KEL: variants seen among roughly 807,000 people sequenced by gnomAD.
KEL encodes the protein Kell metallo-endopeptidase (Kell blood group), also known as kell blood group glycoprotein.
A neutral mutation model predicts 99.5 loss-of-function variants in KEL; 96 were observed. The observed-to-expected ratio is 0.97, with a 90% CI of 0.82 to 1.14. The LOEUF is 1.14. Among genes scored for constraint, KEL ranks in the 50% most tolerant of loss-of-function variants. The pLI is 0.00. For missense variants in KEL, 926 were observed against 924.2 expected, an observed-to-expected ratio of 1.00 and a Z score of -0.03; for synonymous variants, 355 against 354.8, an observed-to-expected ratio of 1.00 and a Z score of -0.01.
chr7:142,955,460 T>A (rs1030667802), intron 6 of KEL, among the ~76,000 whole-genome samples: 3 of 152,194 alleles, frequency 2.0e-5, no homozygotes, highest in South Asian at 2.1e-4. Flanking sequence ...TTCAAAAAAA[T>A]TCATAATGAA....
In KEL at chr7:142,944,385, C is replaced by G. The variant is rs148494257; in HGVS notation, c.1429G>C (p.Val477Leu). Reference sequence around the variant, plus strand: ...GCCCATTCTGAAGCCCCCATCTCCACCTGCAGTTGAGCAACCTGGAGAGAG... The same window carrying G: ...GCCCATTCTGAAGCCCCCATCTCCAGCTGCAGTTGAGCAACCTGGAGAGAG... ...MAQDKVAQLQVEMGASEWALK... is the reference protein window; with the variant it reads ...MAQDKVAQLQLEMGASEWALK... The change falls in exon 13 of 19, where the codon GTG becomes CTG. Residue 477 changes from valine (V) to leucine (L), a missense_variant. Physicochemically the swap from Val to Leu is conservative, Grantham distance 32 (BLOSUM62 1). Transcript: ENST00000355265. 6.2e-6 allele frequency: 10 copies of G among 1,613,870 alleles called. No individual in the cohort carries two copies. The highest frequency in any genetic ancestry group is 1.7e-5 in the Admixed American group (1 of 60,034).
At chr7:142,945,727 C>A (rs188121527) in intron 11 of KEL, among the ~76,000 whole-genome samples, 390 of 152,106 alleles carry the variant, frequency 2.6e-3, no homozygotes, top group African/African-American at 8.8e-3. Flanking sequence ...CGCCCAGGTT[C>A]AAGCGATTCG....
At chr7:142,947,280 G>T (rs8176013) in intron 10 of KEL, among the ~76,000 whole-genome samples, 2,786 of 152,214 alleles carry the variant, frequency 0.018, 70 homozygotes, top group African/African-American at 0.057. Context: ...TTATTCCTGT[G>T]ATTTTTTTAC....
rs1562965998 is a variant in KEL at position 142,961,786 on chromosome 7, G to A, written c.81+9C>T. ...GTGTATTCCAGACCCAGGAGAGGAG[G>A]CCACTTACCTCTTGGCTCCAGAGAG... On this transcript the variant is annotated intron_variant, in intron 2 of 18. Coordinates refer to ENST00000355265, the MANE Select transcript of KEL (RefSeq NM_000420.3). The A allele has an allele frequency of 1.2e-6, 2 of 1,610,900 alleles. No homozygotes were observed. Among genetic ancestry groups the A allele is most frequent in the Non-Finnish European group, 1.7e-6 (2 of 1,177,152 alleles).
intron 3 of KEL, 126 bp from the exon 4 acceptor site, chr7:142,961,230 G>A (rs1796949561): frequency 3.3e-6 from 5 of 1,507,850 alleles, no homozygotes; most frequent in African/African-American, 2.8e-5. Context: ...TGGTTAGGAT[G>A]CAGGGAGGAA....
At position 142,944,334 on chromosome 7, in the gene KEL, C is replaced by T; in HGVS notation, c.1480G>A (p.Glu494Lys). 3 of 1,613,852 alleles carry T rather than the reference C, an allele frequency of 1.9e-6. No homozygotes were observed. The highest frequency in any genetic ancestry group is 2.5e-6 in the Non-Finnish European group (3 of 1,179,746). ...ACACAGGGACCCACATCGTTGTATT[C>T]TTGTCGGGCCAGCTCTGGCTTCAGG... ...WALKPELARQEYNDIQLGSSF... is the reference protein window; with the variant it reads ...WALKPELARQKYNDIQLGSSF... The change falls in exon 13 of 19, where the codon GAA (glutamate) becomes AAA (lysine). Residue 494 changes from glutamate (E) to lysine (K), a missense_variant. Physicochemically the swap from Glu to Lys is moderately conservative, Grantham distance 56. Coordinates refer to ENST00000355265, the MANE Select transcript of KEL (RefSeq NM_000420.3).
chr7:142,947,383 A>G (rs1174692763), intron 10 of KEL, among the ~76,000 whole-genome samples: 3 of 152,054 alleles, frequency 2.0e-5, no homozygotes, highest in African/African-American at 7.2e-5. Flanking sequence ...GAGGGGGTTT[A>G]TGTACATCCC....
At chr7:142,956,563 C>A (rs193247191) in intron 6 of KEL, among the ~76,000 whole-genome samples, 15 of 152,204 alleles carry the variant, frequency 9.9e-5, no homozygotes, top group African/African-American at 3.4e-4. Context: ...CCTCCCAAAT[C>A]CTCAATTAAA....
At position 142,944,404 on chromosome 7, in the gene KEL, G is replaced by C; in HGVS notation, c.1414-4C>G. On this transcript the variant is annotated splice_polypyrimidine_tract_variant and splice_region_variant and intron_variant, in intron 12 of 18. Transcript: ENST00000355265. ...TCTCCACCTGCAGTTGAGCAACCTGGAGAGAGACACAGAAGAGGCTAGGAA... is the reference window on the plus strand; with the variant it reads ...TCTCCACCTGCAGTTGAGCAACCTGCAGAGAGACACAGAAGAGGCTAGGAA... The C allele has an allele frequency of 6.2e-7, 1 of 1,611,452 alleles. No individual in the cohort carries two copies. The highest frequency in any genetic ancestry group is 8.5e-7 in the Non-Finnish European group (1 of 1,177,482).
At chr7:142,952,064 G>A (rs1796699672) in intron 10 of KEL, among the ~76,000 whole-genome samples, 1 of 152,108 alleles carries the variant, frequency 6.6e-6, no homozygotes, top group Non-Finnish European at 1.5e-5. Flanking sequence ...CCCACTGGAT[G>A]TCAGAGATAA....
chr7:142,961,132 A>C (rs764425454), intron 3 of KEL, 28 bp from the exon 4 acceptor site: 88 of 1,612,172 alleles, frequency 5.5e-5, no homozygotes, highest in Non-Finnish European at 7.3e-5. Context: ...GAGCTGGGAA[A>C]GAAGAGGCAA....
chr7:142,953,566 G>T (rs980864778), intron 9 of KEL, among the ~76,000 whole-genome samples: 9 of 152,044 alleles, frequency 5.9e-5, no homozygotes, highest in Non-Finnish European at 1.3e-4. Context: ...CTGACCCTGC[G>T]TTCCTCATGT....
chr7:142,942,119 T>G, intron 18 of KEL: 1 of 425,482 alleles, frequency 2.4e-6, no homozygotes, highest in Non-Finnish European at 4.3e-6. Context: ...ACAGGCTCAT[T>G]TTTAAGGCAT....
intron 3 of KEL, 40 bp from the exon 4 acceptor site, chr7:142,961,144 A>G (rs778640712): frequency 3.1e-6 from 5 of 1,609,080 alleles, no homozygotes; most frequent in Admixed American, 3.3e-5. Context: ...AAGAGGCAAA[A>G]AGACAAGGGC....
At chr7:142,959,240 G>A (rs8175967) in intron 4 of KEL, among the ~76,000 whole-genome samples, 1 of 152,198 alleles carries the variant, frequency 6.6e-6, no homozygotes, top group African/African-American at 2.4e-5. Context: ...AAGAGGGAGG[G>A]TGGGAGACAG....
At chr7:142,947,700 AC>A (rs1184084665) in intron 10 of KEL, among the ~76,000 whole-genome samples, 1 of 152,120 alleles carries the variant, frequency 6.6e-6, no homozygotes, top group Non-Finnish European at 1.5e-5. Context: ...ACAGGTGGCT[AC>A]CACCAGAGAT....
At chr7:142,958,191 TG>T in intron 5 of KEL, 112 bp downstream of exon 5, 3 of 1,479,436 alleles carry the variant, frequency 2.0e-6, no homozygotes, top group Non-Finnish European at 2.8e-6. Context: ...TCCTAGAAAT[TG>T]GGGGGCCCTA....
chr7:142,948,585 A>C (rs1796593875), intron 10 of KEL, among the ~76,000 whole-genome samples: 3 of 152,206 alleles, frequency 2.0e-5, no homozygotes, highest in Admixed American at 2.0e-4. Context: ...ACGAATCATT[A>C]AACAGTTTTT....
chr7:142,948,413 A>C (rs1451989050), intron 10 of KEL, among the ~76,000 whole-genome samples: 1 of 152,244 alleles, frequency 6.6e-6, no homozygotes, highest in Non-Finnish European at 1.5e-5. Context: ...ATACAACCTC[A>C]GAACCACAGA....
Sources: gnomAD v4.1 joint callset for allele counts (sites outside exome capture counted in the v4.1 genomes callset) on GRCh38, gnomAD v4.1.1 for gene constraint, MANE v1.5 for transcripts, NCBI Gene and HGNC (gene_info 2026-07-23, HGNC 2026-07-21) for gene names.